Variants in HGSNAT observed in about 807,000 individuals in gnomAD.
HGSNAT encodes heparan-alpha-glucosaminide N-acetyltransferase, also known as transmembrane protein 76.
HGSNAT carries 59 observed loss-of-function variants against 85.2 expected under a neutral mutation model. The ratio of observed to expected loss-of-function variants is 0.69; its 90% confidence interval spans 0.56 to 0.86. HGSNAT has a LOEUF of 0.86. Among genes scored for constraint, HGSNAT ranks in the 40% least tolerant of loss-of-function variants. HGSNAT has a pLI of 0.00. For missense variants in HGSNAT, 756 were observed against 777.1 expected (o/e 0.97, Z 0.32); for synonymous variants, 321 against 304.5 (o/e 1.05, Z -0.56).
chr8:43,194,558 G>C, intron 14 of HGSNAT: 5 of 974,004 alleles, frequency 5.1e-6, no homozygotes, highest in Non-Finnish European at 6.1e-6. Flanking sequence ...AATTCATAAA[G>C]AACAGTAACA....
At chr8:43,149,711 A>T (rs929088164) in intron 2 of HGSNAT, among the ~76,000 whole-genome samples, 3 of 151,270 alleles carry the variant, frequency 2.0e-5, no homozygotes, top group Non-Finnish European at 2.9e-5. Flanking sequence ...AAAAAAAAAA[A>T]AATTTTTTTT....
chr8:43,173,436 G>T (rs1252784046), intron 8 of HGSNAT, among the ~76,000 whole-genome samples: 1 of 151,488 alleles, frequency 6.6e-6, no homozygotes, highest in African/African-American at 2.4e-5. Context: ...CAGCCTCCCA[G>T]GTAGCTGGGA....
intron 9 of HGSNAT, among the ~76,000 whole-genome samples, chr8:43,176,472 A>G (rs1293017680): frequency 6.6e-6 from 1 of 152,170 alleles, no homozygotes; most frequent in African/African-American, 2.4e-5. Flanking sequence ...ATTTAAAGTC[A>G]GGTAATGTGA....
intron 1 of HGSNAT, among the ~76,000 whole-genome samples, chr8:43,143,561 A>G (rs2130663734): frequency 6.7e-6 from 1 of 150,276 alleles, no homozygotes; most frequent in African/African-American, 2.4e-5. Context: ...TTTTTGAGAC[A>G]GAGTCTCGCT....
chr8:43,193,609 T>C (rs1245276345), intron 13 of HGSNAT, 148 bp from the exon 14 acceptor site: 1 of 577,954 alleles, frequency 1.7e-6, no homozygotes, highest in Non-Finnish European at 3.1e-6. Context: ...CTGCCTGTTA[T>C]CCCTATAAGT....
At position 43,197,044 on chromosome 8, in the gene HGSNAT, T is replaced by G; in HGVS notation, c.1542+19T>G. On this transcript the variant is annotated intron_variant, in intron 15 of 17. Coordinates refer to ENST00000379644, the MANE Select transcript of HGSNAT (RefSeq NM_152419.3). ...TATTCTTGTAAGTAAGCAGCATTCC[T>G]CGCTAAAATTCCTTTCCTTCACATG... The G allele has an allele frequency of 6.5e-7, 1 of 1,533,014 alleles. No individual in the cohort carries two copies. The allele number at this position is 1,533,014 out of a possible 1,614,324, so 95.0% of individuals were successfully genotyped here. A position where few individuals can be genotyped will look rare whatever the true frequency, so the allele number is the denominator to read the frequency against.
At chr8:43,173,764 C>A (rs746177402) in intron 9 of HGSNAT, 21 bp downstream of exon 9, 1 of 1,609,088 alleles carries the variant, frequency 6.2e-7, no homozygotes, top group Non-Finnish European at 8.5e-7. Flanking sequence ...GGTCTGCCCT[C>A]TTCTCTTCCA....
At chr8:43,179,231 G>A (rs571565739) in intron 10 of HGSNAT, among the ~76,000 whole-genome samples, 119 of 151,308 alleles carry the variant, frequency 7.9e-4, no homozygotes, top group South Asian at 1.5e-3. Flanking sequence ...GCGGCTGGCC[G>A]GGCGGGGGCT....
chr8:43,158,545 G>A (rs1315331431), intron 2 of HGSNAT, 30 bp from the exon 3 acceptor site: 5 of 1,613,142 alleles, frequency 3.1e-6, no homozygotes, highest in Non-Finnish European at 4.2e-6. Flanking sequence ...AAAACCTCTG[G>A]CGGTTGACCT....
intron 11 of HGSNAT, among the ~76,000 whole-genome samples, chr8:43,190,545 T>C (rs893834465): frequency 1.3e-5 from 2 of 152,138 alleles, no homozygotes; most frequent in Non-Finnish European, 2.9e-5. Context: ...TGGTCAGCCA[T>C]GGATATGAAA....
chr8:43,181,240 T>C (rs1476421339), intron 10 of HGSNAT, among the ~76,000 whole-genome samples: 1 of 135,794 alleles, frequency 7.4e-6, no homozygotes, highest in Non-Finnish European at 1.6e-5. Flanking sequence ...GGAGAGCATT[T>C]CATCAGCTTT....
At chr8:43,190,680 A>G (rs1302177074) in intron 11 of HGSNAT, among the ~76,000 whole-genome samples, 2 of 152,150 alleles carry the variant, frequency 1.3e-5, no homozygotes, top group Non-Finnish European at 2.9e-5. Flanking sequence ...TCTTCCTTCA[A>G]CCACAGAGAT....
intron 5 of HGSNAT, among the ~76,000 whole-genome samples, chr8:43,162,577 G>A (rs572632202): frequency 2.1e-4 from 32 of 150,658 alleles, no homozygotes; most frequent in African/African-American, 7.8e-4. Context: ...TTGAGACAGA[G>A]TCTCACTCTT....
At chr8:43,170,973 A>T (rs1360102455) in intron 7 of HGSNAT, among the ~76,000 whole-genome samples, 3 of 152,156 alleles carry the variant, frequency 2.0e-5, no homozygotes, top group South Asian at 4.1e-4. Flanking sequence ...TATTTGGGCA[A>T]GTCGCTGTTA....
chr8:43,195,105 G>A (rs1357939116), intron 14 of HGSNAT, among the ~76,000 whole-genome samples: 2 of 152,090 alleles, frequency 1.3e-5, no homozygotes, highest in Non-Finnish European at 2.9e-5. Context: ...AATTTAGATG[G>A]TCACTTGTGG....
At chr8:43,148,242 C>A (rs1802777540) in intron 2 of HGSNAT, among the ~76,000 whole-genome samples, 1 of 151,480 alleles carries the variant, frequency 6.6e-6, no homozygotes, top group South Asian at 2.1e-4. Context: ...AACTCTGTCT[C>A]AAAAAAATAA....
chr8:43,168,384 C>CTTTTTTTTTTTTTTT (rs34270087), intron 5 of HGSNAT, among the ~76,000 whole-genome samples: 3 of 70,224 alleles, frequency 4.3e-5, no homozygotes, highest in Non-Finnish European at 6.9e-5. Flanking sequence ...AATAGTTGAT[C>CTTTTTTTTTTTTTTT]TTTTTTTTTT....
intron 5 of HGSNAT, among the ~76,000 whole-genome samples, chr8:43,162,464 G>A (rs934624329): frequency 6.6e-6 from 1 of 152,106 alleles, no homozygotes; most frequent in Non-Finnish European, 1.5e-5. Context: ...ATTTCTTTGA[G>A]TTAAGGTATT....
At chr8:43,168,767 G>A (rs1414606138) in intron 5 of HGSNAT, among the ~76,000 whole-genome samples, 1 of 152,096 alleles carries the variant, frequency 6.6e-6, no homozygotes, top group Non-Finnish European at 1.5e-5. Context: ...TTTCATGACT[G>A]TATCACATCC....
Sources: gnomAD v4.1 joint callset for allele counts (sites outside exome capture counted in the v4.1 genomes callset) on GRCh38, gnomAD v4.1.1 for gene constraint, MANE v1.5 for transcripts, NCBI Gene and HGNC (gene_info 2026-07-23, HGNC 2026-07-21) for gene names.